The following ERC2 variants were observed in gnomAD, a reference collection of about 807,000 sequenced individuals.
ERC2 encodes ELKS/RAB6-interacting/CAST family member 2.
A neutral mutation model predicts 114.8 loss-of-function variants in ERC2; 42 were observed. The observed-to-expected ratio is 0.37, with a 90% CI of 0.29 to 0.47. The LOEUF is 0.47. ERC2 is among the 20% of genes least tolerant of loss of function. The pLI, the probability that ERC2 is intolerant of heterozygous loss-of-function variation, is 0.99. For synonymous variants in ERC2, 454 were observed against 425.5 expected (o/e 1.07, Z -0.82); for missense variants, 939 against 1,150.7 (o/e 0.82, Z 2.66).
At chr3:56,443,742 GC>G (rs2062427851) in intron 1 of ERC2, among the ~76,000 whole-genome samples, 1 of 151,716 alleles carries the variant, frequency 6.6e-6, no homozygotes, top group South Asian at 2.1e-4. Context: ...CTGAGAAAGA[GC>G]AAAAAGATCA....
chr3:56,149,213 T>C, intron 4 of ERC2, 81 bp from the exon 5 acceptor site: 1 of 1,365,612 alleles, frequency 7.3e-7, no homozygotes. Flanking sequence ...TTTAAGAAAG[T>C]AATTTTGGTA....
At chr3:56,019,759 G>C (rs183545440) in intron 7 of ERC2, among the ~76,000 whole-genome samples, 2 of 152,244 alleles carry the variant, frequency 1.3e-5, no homozygotes, top group African/African-American at 4.8e-5. Flanking sequence ...CAGCAGCAAG[G>C]ACTTTCTCCT....
intron 3 of ERC2, among the ~76,000 whole-genome samples, chr3:56,221,982 G>A (rs1397899954): frequency 1.3e-5 from 2 of 152,142 alleles, no homozygotes; most frequent in Admixed American, 1.3e-4. Flanking sequence ...GTCATCTTCT[G>A]ATTAAAAAAT....
At chr3:55,577,809 G>A (rs2057061631) in intron 17 of ERC2, among the ~76,000 whole-genome samples, 1 of 152,172 alleles carries the variant, frequency 6.6e-6, no homozygotes, top group African/African-American at 2.4e-5. Context: ...TCCTGCGAAA[G>A]AAGAAGGGCA....
chr3:56,416,550 A>G (rs2061162352), intron 2 of ERC2, among the ~76,000 whole-genome samples: 1 of 151,598 alleles, frequency 6.6e-6, no homozygotes, highest in Non-Finnish European at 1.5e-5. Flanking sequence ...TAACCATGCC[A>G]TGATGATGTT....
At chr3:55,851,299 A>T (rs1042431186) in intron 14 of ERC2, among the ~76,000 whole-genome samples, 1 of 152,116 alleles carries the variant, frequency 6.6e-6, no homozygotes, top group Non-Finnish European at 1.5e-5. Context: ...TCCAGGCTTT[A>T]TTCTCAGCAT....
At chr3:55,820,582 G>A (rs1183634308) in intron 14 of ERC2, among the ~76,000 whole-genome samples, 1 of 152,154 alleles carries the variant, frequency 6.6e-6, no homozygotes, top group Non-Finnish European at 1.5e-5. Context: ...TTAACAGACT[G>A]CTTTAAAGAC....
intron 3 of ERC2, among the ~76,000 whole-genome samples, chr3:56,223,331 A>C (rs996587514): frequency 2.0e-5 from 3 of 152,112 alleles, no homozygotes; most frequent in Non-Finnish European, 4.4e-5. Context: ...TCTGTTAACC[A>C]CTGTCCCCAT....
At chr3:55,775,537 A>AAAATAAATAAATAAATAAAT (rs10659476) in intron 14 of ERC2, among the ~76,000 whole-genome samples, 4 of 133,278 alleles carry the variant, frequency 3.0e-5, no homozygotes, top group Admixed American at 7.8e-5. Flanking sequence ...ACCCTGTCTC[A>AAAATAAATAAATAAATAAAT]AAATAAATAA....
rs192323576 is a variant in ERC2 at position 55,739,882 on chromosome 3, G to C, written c.2565-4964C>G. ...CTAGGTTTTCTTCTAGAGTTTTTAT[G>C]GTTTTAGGTCTTACATTTCAGTCTT... is the stretch of plus-strand genomic sequence containing the variant. On this transcript the variant is annotated intron_variant, in intron 14 of 17. Transcript: ENST00000288221. Among the ~76,000 whole-genome samples, 53 of 152,080 alleles carry C rather than the reference G, an allele frequency of 3.5e-4. No individual in the cohort carries two copies. The Middle Eastern group carries it at 0.01, about 29-fold the overall frequency.
intron 7 of ERC2, among the ~76,000 whole-genome samples, chr3:56,028,677 G>C (rs1576618259): frequency 6.6e-6 from 1 of 152,206 alleles, no homozygotes; most frequent in East Asian, 1.9e-4. Context: ...CCTTACTGAA[G>C]TCACTTACTA....
chr3:55,696,677 G>A (rs1010484839), intron 16 of ERC2, among the ~76,000 whole-genome samples: 7 of 152,084 alleles, frequency 4.6e-5, no homozygotes, highest in African/African-American at 1.2e-4. Flanking sequence ...TTTATTCTGG[G>A]ACTTAGATTT....
intron 7 of ERC2, among the ~76,000 whole-genome samples, chr3:56,041,421 C>T (rs1042763174): frequency 5.9e-5 from 9 of 152,192 alleles, no homozygotes; most frequent in Admixed American, 2.0e-4. Flanking sequence ...AGGCATCCTG[C>T]GCTCACCACT....
At chr3:56,446,156 C>T (rs1417497761) in intron 1 of ERC2, among the ~76,000 whole-genome samples, 3 of 152,082 alleles carry the variant, frequency 2.0e-5, no homozygotes, top group Non-Finnish European at 4.4e-5. Context: ...GGAACATTCA[C>T]GGAGGGAAGT....
At chr3:55,716,143 TAC>T (rs1321653488) in intron 15 of ERC2, among the ~76,000 whole-genome samples, 1 of 152,236 alleles carries the variant, frequency 6.6e-6, no homozygotes, top group Non-Finnish European at 1.5e-5. Context: ...TTCTTAAGAA[TAC>T]ACAGTGGCTC....
At chr3:56,459,585 G>A (rs1034524201) in intron 1 of ERC2, among the ~76,000 whole-genome samples, 9 of 151,832 alleles carry the variant, frequency 5.9e-5, no homozygotes, top group African/African-American at 1.5e-4. Context: ...TGAGCAAAAT[G>A]TAGACTCTGA....
At chr3:56,307,285 T>C in intron 2 of ERC2, among the ~76,000 whole-genome samples, 1 of 152,238 alleles carries the variant, frequency 6.6e-6, no homozygotes, top group East Asian at 1.9e-4. Context: ...AATGTATATA[T>C]TTTTTGCCTT....
At chr3:55,903,255 T>A (rs534286307) in intron 13 of ERC2, among the ~76,000 whole-genome samples, 1 of 152,218 alleles carries the variant, frequency 6.6e-6, no homozygotes, top group Non-Finnish European at 1.5e-5. Context: ...AGCTCTTCTC[T>A]GATTAAAAAA....
At chr3:55,704,435 A>G (rs1026511161) in intron 15 of ERC2, among the ~76,000 whole-genome samples, 8 of 152,246 alleles carry the variant, frequency 5.3e-5, no homozygotes, top group African/African-American at 1.7e-4. Flanking sequence ...AATACTGTAC[A>G]ATAGCAATTA....
Sources: allele counts gnomAD v4.1 joint callset (sites outside exome capture counted in the v4.1 genomes callset), GRCh38; gene constraint gnomAD v4.1.1; transcripts MANE v1.5; gene names NCBI Gene and HGNC (gene_info 2026-07-23, HGNC 2026-07-21).